The following AGBL4 variants were observed in gnomAD, a reference collection of about 807,000 sequenced individuals.
The protein encoded by AGBL4 is cytosolic carboxypeptidase 6.
Under a neutral mutation model 66.4 loss-of-function variants are expected in AGBL4, and 58 were observed. The observed-to-expected ratio is 0.87, with a 90% CI of 0.71 to 1.09. The LOEUF (loss-of-function observed/expected upper bound fraction) is 1.09, where lower values mean the gene tolerates loss of function less well. Among genes scored for constraint, AGBL4 ranks in the 50% least tolerant of loss-of-function variants. AGBL4 has a pLI of 0.00. For synonymous variants in AGBL4, 234 were observed against 222.9 expected (o/e 1.05, Z -0.44); for missense variants, 579 against 631.0 (o/e 0.92, Z 0.88).
chr1:49,064,362 A>G (rs1644456140), intron 4 of AGBL4, among the ~76,000 whole-genome samples: 1 of 152,236 alleles, frequency 6.6e-6, no homozygotes, highest in South Asian at 2.1e-4. Context: ...CACATGCACT[A>G]TCTAGGCAAA....
intron 6 of AGBL4, among the ~76,000 whole-genome samples, chr1:48,757,838 C>T (rs188480509): frequency 1.1e-3 from 175 of 152,248 alleles, no homozygotes; most frequent in African/African-American, 4.1e-3. Context: ...TAGATTACCA[C>T]CTTCTTCAAG....
At chr1:48,691,077 A>G (rs1020951899) in intron 6 of AGBL4, among the ~76,000 whole-genome samples, 1 of 150,174 alleles carries the variant, frequency 6.7e-6, no homozygotes, top group African/African-American at 2.5e-5. Flanking sequence ...AGGCAGAAGA[A>G]TCACTTTAAC....
chr1:48,736,292 T>C lies in AGBL4; in HGVS notation c.635-73051A>G. The C allele has an allele frequency of 6.2e-7, 1 of 1,614,212 alleles. No homozygotes were observed. Among genetic ancestry groups the C allele is most frequent in the Non-Finnish European group, 8.5e-7 (1 of 1,180,036 alleles). ...GAGGGGTGGTTTAGGGACTGCATCTTTCTTTTTTTTTGTGGCGACGCCTGT... is the reference window on the plus strand; with the variant it reads ...GAGGGGTGGTTTAGGGACTGCATCTCTCTTTTTTTTTGTGGCGACGCCTGT... On this transcript the variant is annotated intron_variant, in intron 6 of 13. Transcript: ENST00000371839. This position sits in a 1 kb window ranked among gnomAD's most constrained non-coding sequence, Gnocchi z 4.0.
At chr1:49,061,174 A>C (rs1308652766) in intron 4 of AGBL4, among the ~76,000 whole-genome samples, 1 of 152,162 alleles carries the variant, frequency 6.6e-6, no homozygotes, top group Admixed American at 6.5e-5. Flanking sequence ...TGAAGATGTG[A>C]TCAGAATCAG....
At chr1:49,956,768 A>C (rs1656643644) in intron 1 of AGBL4, among the ~76,000 whole-genome samples, 1 of 151,990 alleles carries the variant, frequency 6.6e-6, no homozygotes. Context: ...TAAGGAGACA[A>C]ATATCCTTTG....
At chr1:49,567,871 G>A (rs1644245307) in intron 3 of AGBL4, among the ~76,000 whole-genome samples, 2 of 152,150 alleles carry the variant, frequency 1.3e-5, no homozygotes, top group Admixed American at 6.5e-5. Flanking sequence ...AAAACTACAT[G>A]ATCATTTCAA....
chr1:49,845,784 C>T (rs1646126417), intron 2 of AGBL4: 1 of 1,571,294 alleles, frequency 6.4e-7, no homozygotes, highest in African/African-American at 1.3e-5. Context: ...TCAGCCACGG[C>T]TCCTCACTTA....
intron 6 of AGBL4, chr1:48,727,736 C>T: frequency 1.6e-6 from 1 of 622,140 alleles, no homozygotes; most frequent in Non-Finnish European, 2.6e-6. Context: ...TTGGAGTGTC[C>T]ACATTCAGAA....
At chr1:49,950,364 G>A (rs371626776) in intron 1 of AGBL4, among the ~76,000 whole-genome samples, 3 of 150,942 alleles carry the variant, frequency 2.0e-5, no homozygotes, top group Admixed American at 6.6e-5. Flanking sequence ...GGATGCAAAC[G>A]CATAAATAAG....
intron 2 of AGBL4, among the ~76,000 whole-genome samples, chr1:49,736,857 T>C (rs941241140): frequency 3.3e-5 from 5 of 151,414 alleles, no homozygotes; most frequent in African/African-American, 9.7e-5. Context: ...GCAAAGGACA[T>C]GAACAGACAG....
At chr1:49,351,781 TTGTGACTA>T (rs1270127912) in intron 3 of AGBL4, among the ~76,000 whole-genome samples, 1 of 152,184 alleles carries the variant, frequency 6.6e-6, no homozygotes, top group African/African-American at 2.4e-5. Context: ...TGCTACTAAC[TTGTGACTA>T]TGTGATTCTG....
chr1:48,853,610 C>A (rs1315611738), intron 6 of AGBL4, among the ~76,000 whole-genome samples: 2 of 152,126 alleles, frequency 1.3e-5, no homozygotes, highest in African/African-American at 4.8e-5. Context: ...ACTTAATAGG[C>A]CTTCCTAAGG....
intron 3 of AGBL4, among the ~76,000 whole-genome samples, chr1:49,668,876 T>C (rs976570708): frequency 6.6e-6 from 1 of 152,204 alleles, no homozygotes; most frequent in African/African-American, 2.4e-5. Context: ...CAGATATTTT[T>C]AGATTATTGT....
chr1:49,789,176 T>C (rs1644532299), intron 2 of AGBL4, among the ~76,000 whole-genome samples: 1 of 152,206 alleles, frequency 6.6e-6, no homozygotes, highest in African/African-American at 2.4e-5. Flanking sequence ...CAGCCTTGCA[T>C]CCCAGGGATG....
At chr1:48,828,177 C>A (rs182729669) in intron 6 of AGBL4, among the ~76,000 whole-genome samples, 31 of 146,438 alleles carry the variant, frequency 2.1e-4, no homozygotes, top group Admixed American at 6.2e-4. Flanking sequence ...GCCTGGGCAA[C>A]TCCATCTCAA....
chr1:49,524,796 CTATGATACT>C (rs1191579940), intron 3 of AGBL4, among the ~76,000 whole-genome samples: 2 of 151,946 alleles, frequency 1.3e-5, no homozygotes, highest in Non-Finnish European at 2.9e-5. Flanking sequence ...ATTATGATAC[CTATGATACT>C]ACCTTATAAC....
At chr1:49,240,551 C>CTTTT (rs34162300) in intron 4 of AGBL4, among the ~76,000 whole-genome samples, 1 of 123,714 alleles carries the variant, frequency 8.1e-6, no homozygotes, top group African/African-American at 3.0e-5. Context: ...ACTGCATTTT[C>CTTTT]TTTTTTTTTT....
intron 11 of AGBL4, among the ~76,000 whole-genome samples, chr1:48,548,911 T>TC (rs1644208052): frequency 1.3e-5 from 2 of 152,230 alleles, no homozygotes; most frequent in Non-Finnish European, 2.9e-5. Flanking sequence ...TTCATTTATA[T>TC]ATTCATATTA....
At chr1:48,591,589 G>T (rs141928065) in intron 9 of AGBL4, among the ~76,000 whole-genome samples, 207 of 152,196 alleles carry the variant, frequency 1.4e-3, no homozygotes, top group African/African-American at 4.6e-3. Flanking sequence ...ATTTCTTGAT[G>T]ATGTAATATA....
Sources: allele counts gnomAD v4.1 joint callset (sites outside exome capture counted in the v4.1 genomes callset), GRCh38; gene constraint gnomAD v4.1.1; non-coding constraint Gnocchi (gnomAD v3.1); transcripts MANE v1.5; gene names NCBI Gene and HGNC (gene_info 2026-07-23, HGNC 2026-07-21).